Variants in SCYL2 observed in about 807,000 individuals in gnomAD.
The protein encoded by SCYL2 is SCY1-like protein 2.
In SCYL2, 36 loss-of-function variants were observed where a neutral mutation model predicts 100.4. The observed-to-expected ratio is 0.36, with a 90% confidence interval of 0.27 to 0.47. SCYL2 has a LOEUF of 0.47. Among genes scored for constraint, SCYL2 ranks in the 20% least tolerant of loss-of-function variants. SCYL2 has a pLI of 1.00. For synonymous variants in SCYL2, 330 were observed against 359.2 expected (o/e 0.92, Z 0.92); for missense variants, 902 against 1,083.9 (o/e 0.83, Z 2.36).
intron 3 of SCYL2, among the ~76,000 whole-genome samples, chr12:100,294,629 T>A (rs1292765526): frequency 7.2e-5 from 9 of 125,174 alleles, no homozygotes; most frequent in South Asian, 2.8e-4. Flanking sequence ...GGCTCCTCAC[T>A]TCCCAGTAGG....
chr12:100,307,107 C>A (rs1427603581), intron 4 of SCYL2, among the ~76,000 whole-genome samples: 1 of 152,168 alleles, frequency 6.6e-6, no homozygotes, highest in Non-Finnish European at 1.5e-5. Context: ...CCCCATCAAG[C>A]TACCACTGAT....
In SCYL2 at chr12:100,311,197, A is replaced by G; in HGVS notation, c.630+4A>G. 1 of 1,583,352 alleles carries G rather than the reference A, an allele frequency of 6.3e-7. No individual in the cohort carries two copies. Among genetic ancestry groups the G allele is most frequent in the Non-Finnish European group, 8.5e-7 (1 of 1,170,744 alleles). On this transcript the variant is annotated splice_donor_region_variant and intron_variant, in intron 5 of 17. Coordinates refer to ENST00000360820, the MANE Select transcript of SCYL2 (RefSeq NM_017988.6). ...AACCAATCCTTCTGAACAAGAGGTAATGAAAGTTTTAGTCTTCTAATTTTT... is the reference window on the plus strand; with the variant it reads ...AACCAATCCTTCTGAACAAGAGGTAGTGAAAGTTTTAGTCTTCTAATTTTT...
intron 9 of SCYL2, among the ~76,000 whole-genome samples, chr12:100,316,896 G>C (rs1301044918): frequency 1.3e-5 from 2 of 152,162 alleles, no homozygotes; most frequent in African/African-American, 4.8e-5. Context: ...GAGCCCAGGA[G>C]TTCAAGACCA....
intron 1 of SCYL2, among the ~76,000 whole-genome samples, chr12:100,276,706 C>T (rs1453249721): frequency 6.6e-6 from 1 of 151,690 alleles, no homozygotes; most frequent in Non-Finnish European, 1.5e-5. Context: ...TTTTTTTTTA[C>T]TTCATTGGAT....
chr12:100,294,843 C>T (rs564319672), intron 3 of SCYL2, among the ~76,000 whole-genome samples: 18 of 150,944 alleles, frequency 1.2e-4, no homozygotes, highest in South Asian at 4.2e-4. Context: ...TGGGCGGAGA[C>T]GCTCCTCATT....
chr12:100,290,613 C>G (rs1592936992), intron 2 of SCYL2, among the ~76,000 whole-genome samples: 2 of 152,208 alleles, frequency 1.3e-5, no homozygotes, highest in East Asian at 1.9e-4. Flanking sequence ...AACTAATTGT[C>G]TTGGATATTG....
chr12:100,319,370 C>A, intron 10 of SCYL2: 1 of 409,554 alleles, frequency 2.4e-6, no homozygotes, highest in Non-Finnish European at 4.9e-6. Flanking sequence ...CTCTGTGCAG[C>A]CAAACTTGTT....
At chr12:100,325,853 G>A (rs988584522) in intron 11 of SCYL2, among the ~76,000 whole-genome samples, 1 of 151,912 alleles carries the variant, frequency 6.6e-6, no homozygotes, top group Non-Finnish European at 1.5e-5. Flanking sequence ...AATATCTCTT[G>A]TGTTTTAATT....
At chr12:100,313,299 G>A in intron 6 of SCYL2, 123 bp from the exon 7 acceptor site, 1 of 461,684 alleles carries the variant, frequency 2.2e-6, no homozygotes, top group East Asian at 3.4e-5. Context: ...AATTAACAGT[G>A]TGTTTAAAAT....
chr12:100,326,160 A>G (rs925431428), intron 11 of SCYL2, among the ~76,000 whole-genome samples: 5 of 152,172 alleles, frequency 3.3e-5, no homozygotes, highest in African/African-American at 1.2e-4. Flanking sequence ...TAGAAAACAC[A>G]TATATGGATA....
chr12:100,281,833 C>CA lies in SCYL2; in HGVS notation c.-28-1093dup, dbSNP rs550669839. On this transcript the variant is annotated intron_variant, in intron 1 of 17. Coordinates refer to ENST00000360820, the MANE Select transcript of SCYL2 (RefSeq NM_017988.6). ...TGGGTGACAGAGCTAGACTCCGTCTCAAAAAAAAAAAAAAAAAGAAAGTAC... is the reference window on the plus strand; with the variant it reads ...TGGGTGACAGAGCTAGACTCCGTCTCAAAAAAAAAAAAAAAAAAGAAAGTAC... Among the ~76,000 whole-genome samples the CA allele has an allele frequency of 8.7e-3, 514 of 58,856 alleles. 6 individuals carry two copies. Among genetic ancestry groups the CA allele is most frequent in the African/African-American group, 0.022 (353 of 15,826 alleles). The allele number at this position is 58,856 out of a possible 152,430, so 38.6% of individuals were successfully genotyped here. A position where few individuals can be genotyped will look rare whatever the true frequency, so the allele number is the denominator to read the frequency against.
chr12:100,322,439 C>T (rs2096357240), intron 10 of SCYL2, among the ~76,000 whole-genome samples: 1 of 149,934 alleles, frequency 6.7e-6, no homozygotes, highest in Non-Finnish European at 1.5e-5. Context: ...ACTCTGTCCT[C>T]AATTTTCTTC....
intron 13 of SCYL2, among the ~76,000 whole-genome samples, chr12:100,330,007 G>A (rs902345321): frequency 4.6e-5 from 7 of 152,176 alleles, no homozygotes; most frequent in African/African-American, 1.7e-4. Context: ...TTGTAATCAA[G>A]GAAGTGATAC....
chr12:100,341,321 C>A lies in SCYL2; in HGVS notation c.*2149C>A, dbSNP rs953722050. The A allele has an allele frequency of 2.0e-5, 3 of 152,030 alleles. No individual in the cohort carries two copies. Among genetic ancestry groups the A allele is most frequent in the Non-Finnish European group, 1.5e-5 (1 of 67,962 alleles). 9.4% of individuals were successfully genotyped at this position (152,030 alleles called of 1,614,324 possible). On this transcript the variant is annotated 3_prime_UTR_variant, in exon 18 of 18. Transcript: ENST00000360820. ...GAATGAAATTTTCAAAGTACTAGATCACCTTAAAATTATTTCACGTACTGA... is the reference window on the plus strand; with the variant it reads ...GAATGAAATTTTCAAAGTACTAGATAACCTTAAAATTATTTCACGTACTGA...
At chr12:100,309,834 G>T (rs1012839970) in intron 4 of SCYL2, among the ~76,000 whole-genome samples, 2 of 152,004 alleles carry the variant, frequency 1.3e-5, no homozygotes, top group African/African-American at 2.4e-5. Context: ...TCTATTTTTG[G>T]GGGGAACAAT....
chr12:100,290,320 G>T (rs1054478517), intron 2 of SCYL2, among the ~76,000 whole-genome samples: 3 of 152,066 alleles, frequency 2.0e-5, no homozygotes. Context: ...CAAATGCTTG[G>T]GGGGACGTTG....
At chr12:100,276,367 T>C (rs2096292484) in intron 1 of SCYL2, among the ~76,000 whole-genome samples, 1 of 152,182 alleles carries the variant, frequency 6.6e-6, no homozygotes, top group Non-Finnish European at 1.5e-5. Flanking sequence ...ATCCCACTCT[T>C]TGTCACGCAG....
At chr12:100,284,479 C>T (rs1399934820) in intron 2 of SCYL2, among the ~76,000 whole-genome samples, 2 of 152,112 alleles carry the variant, frequency 1.3e-5, no homozygotes, top group African/African-American at 4.8e-5. Context: ...AACTGAATAT[C>T]CTGTCTTTAC....
intron 2 of SCYL2, among the ~76,000 whole-genome samples, chr12:100,288,996 C>T (rs751867171): frequency 4.6e-5 from 7 of 151,798 alleles, no homozygotes; most frequent in South Asian, 4.1e-4. Context: ...CGTGAGCTAC[C>T]GTGCCGGCCA....
Sources: allele counts gnomAD v4.1 joint callset (sites outside exome capture counted in the v4.1 genomes callset), GRCh38; gene constraint gnomAD v4.1.1; transcripts MANE v1.5; gene names NCBI Gene and HGNC (gene_info 2026-07-23, HGNC 2026-07-21).